The following ALDH6A1 variants were observed in gnomAD, a reference collection of about 807,000 sequenced individuals.
ALDH6A1 encodes the protein aldehyde dehydrogenase 6 family member A1, also known as methylmalonate-semialdehyde/malonate-semialdehyde dehydrogenase [acylating], mitochondrial.
In ALDH6A1, 43 loss-of-function variants were observed where a neutral mutation model predicts 62.6. The observed-to-expected ratio is 0.69, with a 90% CI of 0.54 to 0.89. The LOEUF (loss-of-function observed/expected upper bound fraction) is 0.89. Ranked by LOEUF, ALDH6A1 falls within the 40% of genes least tolerant of loss-of-function variation. ALDH6A1 has a pLI of 0.00. For missense variants in ALDH6A1, 551 were observed against 661.3 expected (o/e 0.83, Z 1.83); for synonymous variants, 194 against 234.2 (o/e 0.83, Z 1.57).
At position 74,057,098 on chromosome 14, in the gene ALDH6A1, T is replaced by A; in HGVS notation, c.*3544A>T. ...GTCTGTTATTCTAAACCAGGTTTCATGTGTGTAGAGTTGTTGACGGTTCTG... is the reference window on the plus strand; with the variant it reads ...GTCTGTTATTCTAAACCAGGTTTCAAGTGTGTAGAGTTGTTGACGGTTCTG... On this transcript the variant is annotated 3_prime_UTR_variant, in exon 12 of 12. Transcript: ENST00000553458. The A allele has an allele frequency of 6.2e-7, 1 of 1,601,674 alleles. No homozygotes were observed. The highest frequency in any genetic ancestry group is 8.5e-7 in the Non-Finnish European group (1 of 1,172,738).
At position 74,057,058 on chromosome 14, in the gene ALDH6A1, A is replaced by C; in HGVS notation, c.*3584T>G. On this transcript the variant is annotated 3_prime_UTR_variant, in exon 12 of 12. Transcript: ENST00000553458. ...GTGGGCATCTTGAATGTGCTAATTG[A>C]AAGTAATATGACAAGTCTGTTATTC... 3.1e-6 allele frequency: 5 copies of C among 1,592,790 alleles called. No individual in the cohort carries two copies. The South Asian group carries it at 5.6e-5, about 18-fold the overall frequency.
At chr14:74,078,184 T>C (rs1348021105) in intron 1 of ALDH6A1, 1 of 455,852 alleles carries the variant, frequency 2.2e-6, no homozygotes, top group African/African-American at 2.0e-5. Context: ...GACTTTGTTT[T>C]TCTTACTTCA....
rs749072533 is a variant in ALDH6A1, at chr14:74,057,757, A to T, written c.*2885T>A. On this transcript the variant is annotated 3_prime_UTR_variant, in exon 12 of 12. Coordinates refer to ENST00000553458, the MANE Select transcript of ALDH6A1 (RefSeq NM_005589.4). Reference sequence around the variant, plus strand: ...TTCAAATGAAGCCACATTAGAACAAAAAGAAAATACTGACTTTTTAGCCGC... The same window carrying T: ...TTCAAATGAAGCCACATTAGAACAATAAGAAAATACTGACTTTTTAGCCGC... 36 of 1,137,796 alleles carry T rather than the reference A, an allele frequency of 3.2e-5. No individual in the cohort carries two copies. The highest frequency in any genetic ancestry group is 3.8e-5 in the Non-Finnish European group (35 of 916,404). 70.5% of individuals were successfully genotyped at this position (1,137,796 alleles called of 1,614,324 possible). A position where few individuals can be genotyped will look rare whatever the true frequency, so the allele number is the denominator to read the frequency against.
intron 1 of ALDH6A1, chr14:74,082,804 C>G (rs570831422): frequency 1.3e-5 from 2 of 152,262 alleles, no homozygotes; most frequent in South Asian, 2.1e-4. Context: ...TCAGAAGTTT[C>G]TCCAAATGAA....
chr14:74,072,091 C>T, intron 4 of ALDH6A1, 112 bp downstream of exon 4: 3 of 1,573,718 alleles, frequency 1.9e-6, no homozygotes, highest in Non-Finnish European at 2.6e-6. Flanking sequence ...GAGTCATGAT[C>T]AACGTCTCTG....
In ALDH6A1 at chr14:74,060,562, T is replaced by A; in HGVS notation, c.*80A>T. ...GTATTCCAATCCCATCGATCTGATCTGAGCAAAGCTGACAAATGAAGCTGG... is the reference window on the plus strand; with the variant it reads ...GTATTCCAATCCCATCGATCTGATCAGAGCAAAGCTGACAAATGAAGCTGG... On this transcript the variant is annotated 3_prime_UTR_variant, in exon 12 of 12. Coordinates refer to ENST00000553458, the MANE Select transcript of ALDH6A1 (RefSeq NM_005589.4). 1 of 1,053,156 alleles carries A rather than the reference T, an allele frequency of 9.5e-7. No individual in the cohort carries two copies. The highest frequency in any genetic ancestry group is 1.7e-5 in the Admixed American group (1 of 58,854). The allele number at this position is 1,053,156 out of a possible 1,614,324, so 65.2% of individuals were successfully genotyped here.
chr14:74,067,857 G>A (rs1002888975), intron 7 of ALDH6A1, among the ~76,000 whole-genome samples: 4 of 152,014 alleles, frequency 2.6e-5, no homozygotes, highest in East Asian at 3.8e-4. Context: ...CCTGGGAGGC[G>A]GAGGTTGCAG....
chr14:74,060,406 T>C lies in ALDH6A1; in HGVS notation c.*236A>G, dbSNP rs2060313421. The stretch of plus-strand genomic sequence containing the variant: ...GCACTACTTTCAGATAAGCATTTCA[T>C]AGTTACAACAGTTACCTCAAAATAG... On this transcript the variant is annotated 3_prime_UTR_variant, in exon 12 of 12. Transcript: ENST00000553458. 18 of 510,514 alleles carry C rather than the reference T, an allele frequency of 3.5e-5. No individual in the cohort carries two copies. In the South Asian group the frequency reaches 3.8e-4, roughly 11 times the overall value. The allele number at this position is 510,514 out of a possible 1,614,324, so 31.6% of individuals were successfully genotyped here.
chr14:74,080,366 TTC>T (rs1259772381), intron 1 of ALDH6A1, among the ~76,000 whole-genome samples: 221 of 109,016 alleles, frequency 2.0e-3, no homozygotes, highest in African/African-American at 8.8e-3. Flanking sequence ...GTTAAACTCT[TTC>T]TTTTTTTTTT....
intron 11 of ALDH6A1, among the ~76,000 whole-genome samples, chr14:74,062,439 T>C (rs1329826015): frequency 6.6e-6 from 1 of 152,032 alleles, no homozygotes; most frequent in Non-Finnish European, 1.5e-5. Context: ...CCGTCTCTAC[T>C]ACAAATACAA....
rs1214781955 is a variant in ALDH6A1 at position 74,072,265 on chromosome 14, T to A, written c.286A>T (p.Thr96Ser). The change falls in exon 4 of 12, where the codon ACT (threonine) becomes TCT (serine). Residue 96 changes from threonine (T) to serine (S), a missense_variant. By Grantham distance (58) the Thr-to-Ser change is moderately conservative (BLOSUM62 1). Coordinates refer to ENST00000553458, the MANE Select transcript of ALDH6A1 (RefSeq NM_005589.4). ...CKRAFPAWAD[T>S]SVLSRQQVLL... ...ACCTGCTGGCGGCTTAATACTGAAGTGTCTGCCCATGCAGGAAAAGCACGT... is the reference window on the plus strand; with the variant it reads ...ACCTGCTGGCGGCTTAATACTGAAGAGTCTGCCCATGCAGGAAAAGCACGT... 1 of 1,614,206 alleles carries A rather than the reference T, an allele frequency of 6.2e-7. No homozygotes were observed. The highest frequency in any genetic ancestry group is 8.5e-7 in the Non-Finnish European group (1 of 1,180,040).
chr14:74,081,879 T>TCAC (rs1255403791), intron 1 of ALDH6A1, among the ~76,000 whole-genome samples: 2 of 152,204 alleles, frequency 1.3e-5, no homozygotes, highest in East Asian at 3.8e-4. Flanking sequence ...GGTAACCATA[T>TCAC]CACCGACAGT....
At chr14:74,068,832 A>G (rs1320470392) in intron 7 of ALDH6A1, 28 bp downstream of exon 7, 1 of 1,613,220 alleles carries the variant, frequency 6.2e-7, no homozygotes, top group South Asian at 1.1e-5. Flanking sequence ...TAGAACAAAG[A>G]TTGGAGAAAA....
At position 74,071,833 on chromosome 14, in the gene ALDH6A1, G is replaced by A. The variant is rs572773125; in HGVS notation, c.427+63C>T. 1.4e-5 allele frequency: 22 copies of A among 1,565,814 alleles called. No homozygotes were observed. The East Asian group carries it at 4.3e-4, about 30-fold the overall frequency. On this transcript the variant is annotated intron_variant, in intron 5 of 11. Coordinates refer to ENST00000553458, the MANE Select transcript of ALDH6A1 (RefSeq NM_005589.4). ...AGGAAGAAGCAACCTCCCATTCTGCGATCTTTGCCTCCCATCTTCCTTTGG... is the reference window on the plus strand; with the variant it reads ...AGGAAGAAGCAACCTCCCATTCTGCAATCTTTGCCTCCCATCTTCCTTTGG...
chr14:74,074,330 A>G (rs1251535625), intron 2 of ALDH6A1, among the ~76,000 whole-genome samples: 1 of 147,124 alleles, frequency 6.8e-6, no homozygotes, highest in Non-Finnish European at 1.5e-5. Flanking sequence ...CTCTGTCATC[A>G]GGCTGGAGTG....
intron 11 of ALDH6A1, among the ~76,000 whole-genome samples, chr14:74,062,324 G>A (rs760011597): frequency 2.0e-5 from 3 of 151,456 alleles, no homozygotes; most frequent in Non-Finnish European, 2.9e-5. Flanking sequence ...TGACTAGGCC[G>A]GGTGCGGTGA....
chr14:74,081,515 G>A (rs908816303), intron 1 of ALDH6A1, among the ~76,000 whole-genome samples: 1 of 152,106 alleles, frequency 6.6e-6, no homozygotes, highest in Non-Finnish European at 1.5e-5. Context: ...TGACAGGTTC[G>A]ATCTTCTATC....
At position 74,060,545 on chromosome 14, in the gene ALDH6A1, A is replaced by G. The variant is rs2060316331; in HGVS notation, c.*97T>C. ...AAGATTTTAGTTACAATGTATTCCA[A>G]TCCCATCGATCTGATCTGAGCAAAG... On this transcript the variant is annotated 3_prime_UTR_variant, in exon 12 of 12. Coordinates refer to ENST00000553458, the MANE Select transcript of ALDH6A1 (RefSeq NM_005589.4). 8.6e-6 allele frequency: 8 copies of G among 928,952 alleles called. No individual in the cohort carries two copies. The South Asian group carries it at 1.1e-4, about 12-fold the overall frequency. The allele number at this position is 928,952 out of a possible 1,614,324, so 57.5% of individuals were successfully genotyped here.
At chr14:74,081,262 T>C (rs2139820126) in intron 1 of ALDH6A1, 1 of 152,314 alleles carries the variant, frequency 6.6e-6, no homozygotes, top group East Asian at 1.9e-4. Context: ...CCTAGCACAA[T>C]TCCTGGAAGA....
Sources: gnomAD v4.1 joint callset for allele counts (sites outside exome capture counted in the v4.1 genomes callset) on GRCh38, gnomAD v4.1.1 for gene constraint, MANE v1.5 for transcripts, NCBI Gene and HGNC (gene_info 2026-07-23, HGNC 2026-07-21) for gene names.